USPL1: variants seen among roughly 807,000 people sequenced by gnomAD.
USPL1 encodes the protein ubiquitin specific peptidase like 1, also known as SUMO-specific isopeptidase USPL1.
A neutral mutation model predicts 51.5 loss-of-function variants in USPL1; 27 were observed. The observed-to-expected ratio is 0.52, with a 90% CI of 0.39 to 0.72. The LOEUF is 0.72. Ranked by LOEUF, USPL1 falls within the 30% of genes least tolerant of loss-of-function variation. USPL1 has a pLI of 0.00. For missense variants in USPL1, 1,226 were observed against 1,268.0 expected, an observed-to-expected ratio of 0.97 and a Z score of 0.50; for synonymous variants, 451 against 459.6, an observed-to-expected ratio of 0.98 and a Z score of 0.24.
chr13:30,631,283 G>A lies in USPL1; in HGVS notation c.677G>A (p.Cys226Tyr). Residue 226 changes from cysteine (C) to tyrosine (Y), a missense_variant, in exon 4 of 9, where the codon TGT becomes TAT. Coordinates refer to ENST00000255304, the MANE Select transcript of USPL1 (RefSeq NM_005800.5). ...SKCTSFPQAL[C>Y]VQWKNAYALC... ...TGTACATCATTTCCCCAGGCTTTAT[G>A]TGTCCAGTGGAAAAATGCTTATGCT... 6 of 1,614,166 alleles carry A rather than the reference G, an allele frequency of 3.7e-6. No homozygotes were observed. Among genetic ancestry groups the A allele is most frequent in the Non-Finnish European group, 5.1e-6 (6 of 1,180,028 alleles).
intron 8 of USPL1, among the ~76,000 whole-genome samples, chr13:30,654,406 C>CTT (rs374088829): frequency 1.3e-5 from 2 of 148,460 alleles, no homozygotes; most frequent in African/African-American, 2.5e-5. Flanking sequence ...CTCTCTCTCT[C>CTT]TTTTTTTTTT....
At position 30,653,251 on chromosome 13, in the gene USPL1, G is replaced by A. The variant is rs751066658; in HGVS notation, c.1342G>A (p.Val448Ile). 4 of 1,612,188 alleles carry A rather than the reference G, an allele frequency of 2.5e-6. No homozygotes were observed. The highest frequency in any genetic ancestry group is 1.3e-5 in the African/African-American group (1 of 74,990). Residue 448 changes from valine (V) to isoleucine (I), a missense_variant, in exon 8 of 9, where the codon GTA (valine) becomes ATA (isoleucine). Coordinates refer to ENST00000255304, the MANE Select transcript of USPL1 (RefSeq NM_005800.5). The stretch of plus-strand genomic sequence containing the variant: ...AGGCTGTCTTTATCAGATAACTTCT[G>A]TAATTCAGTATCGAGCAAATAATCA... ...FEGCLYQITS[V>I]IQYRANNHFI... is the part of the protein sequence containing the mutation.
intron 7 of USPL1, among the ~76,000 whole-genome samples, chr13:30,648,403 C>T (rs953921926): frequency 1.7e-4 from 26 of 152,030 alleles, no homozygotes; most frequent in Non-Finnish European, 2.6e-4. Context: ...GCGCTGGTTC[C>T]TCTCTGGGCC....
Position 30,658,072 on chromosome 13 carries a change from A to T in USPL1, c.1995A>T (p.Ser665=). 1 of 1,613,320 alleles carries T rather than the reference A, an allele frequency of 6.2e-7. No individual in the cohort carries two copies. The highest frequency in any genetic ancestry group is 8.5e-7 in the Non-Finnish European group (1 of 1,179,954). Reference sequence around the variant, plus strand: ...AAGTTGTAAATACAAACATGCAGTCAGTACAGCTGAATACAGAAGATACTG... The same window carrying T: ...AAGTTGTAAATACAAACATGCAGTCTGTACAGCTGAATACAGAAGATACTG... ...PSQVVNTNMQ[S]VQLNTEDTVN... The change falls in exon 9 of 9, where the codon TCA becomes TCT. Residue 665 remains serine (S), a synonymous_variant. Coordinates refer to ENST00000255304, the MANE Select transcript of USPL1 (RefSeq NM_005800.5).
At chr13:30,632,186 A>T (rs566057057) in intron 4 of USPL1, among the ~76,000 whole-genome samples, 7 of 151,732 alleles carry the variant, frequency 4.6e-5, no homozygotes, top group Admixed American at 4.6e-4. Context: ...TCATTGTTCA[A>T]CTGTCACTTA....
chr13:30,658,754 C>T lies in USPL1; in HGVS notation c.2677C>T (p.Arg893Cys), dbSNP rs780558341. 6.8e-6 allele frequency: 11 copies of T among 1,613,996 alleles called. No homozygotes were observed. Among genetic ancestry groups the T allele is most frequent in the Admixed American group, 1.7e-5 (1 of 59,982 alleles). ...GATTCATAAACTTCGTCTAAAACTT[C>T]GTAAAAAGCTAAAGGCAGAAAAGAA... Reference protein sequence around the residue: ...GQIHKLRLKLRKKLKAEKKKL... With the variant: ...GQIHKLRLKLCKKLKAEKKKL... The change falls in exon 9 of 9, where the codon CGT becomes TGT. Residue 893 changes from arginine (R) to cysteine (C), a missense_variant. Physicochemically the swap from Arg to Cys is radical, Grantham distance 180 (BLOSUM62 -3). Transcript: ENST00000255304.
intron 4 of USPL1, among the ~76,000 whole-genome samples, chr13:30,634,225 C>A (rs1950844823): frequency 6.6e-6 from 1 of 152,118 alleles, no homozygotes; most frequent in African/African-American, 2.4e-5. Flanking sequence ...AAGATGGCTG[C>A]TAAGTGAACC....
chr13:30,624,529 G>A (rs973863077), intron 3 of USPL1, among the ~76,000 whole-genome samples: 6 of 152,170 alleles, frequency 3.9e-5, no homozygotes, highest in African/African-American at 1.4e-4. Context: ...GACTACGGGT[G>A]CACGGCACCA....
At position 30,631,455 on chromosome 13, in the gene USPL1, T is replaced by C. The variant is rs1291662367; in HGVS notation, c.849T>C (p.Ser283=). ...AAGCAAATACACTTCTATATACCAG[T>C]CAATTGAGTGGTGTTAAAGGTTGGT... is the stretch of plus-strand genomic sequence containing the variant. ...YNQANTLLYT[S]QLSGVKDGDC... Residue 283 remains serine (S), a synonymous_variant, in exon 4 of 9, where the codon AGT becomes AGC. Transcript: ENST00000255304. 6.2e-7 allele frequency: 1 copy of C among 1,613,772 alleles called. No individual in the cohort carries two copies. Among genetic ancestry groups the C allele is most frequent in the Non-Finnish European group, 8.5e-7 (1 of 1,179,856 alleles).
chr13:30,646,806 T>G, intron 6 of USPL1, 126 bp from the exon 7 acceptor site: 1 of 1,044,030 alleles, frequency 9.6e-7, no homozygotes, highest in Non-Finnish European at 1.3e-6. Context: ...CATTGCCATA[T>G]TAACATGATT....
intron 3 of USPL1, among the ~76,000 whole-genome samples, chr13:30,623,741 G>T (rs186456515): frequency 2.0e-5 from 3 of 152,122 alleles, no homozygotes; most frequent in African/African-American, 7.2e-5. Flanking sequence ...TTAGCCCCAC[G>T]TACAGGCCTC....
At chr13:30,619,568 C>G (rs140827322) in intron 1 of USPL1, among the ~76,000 whole-genome samples, 3 of 152,148 alleles carry the variant, frequency 2.0e-5, no homozygotes, top group Admixed American at 6.5e-5. Flanking sequence ...CAGAATGATA[C>G]GACGTGTACT....
At chr13:30,627,990 C>T (rs1461548089) in intron 3 of USPL1, among the ~76,000 whole-genome samples, 1 of 151,788 alleles carries the variant, frequency 6.6e-6, no homozygotes, top group Non-Finnish European at 1.5e-5. Flanking sequence ...AGTTCTCCTC[C>T]CTCAGCCTCC....
At chr13:30,648,801 A>G (rs979220295) in intron 7 of USPL1, among the ~76,000 whole-genome samples, 9 of 152,206 alleles carry the variant, frequency 5.9e-5, no homozygotes, top group Non-Finnish European at 1.0e-4. Flanking sequence ...TGAAGATTAC[A>G]GAAGTCTGTA....
chr13:30,643,596 T>TCCC (rs1950976615), intron 6 of USPL1, among the ~76,000 whole-genome samples: 3 of 96,278 alleles, frequency 3.1e-5, no homozygotes, highest in African/African-American at 2.2e-4. Context: ...AAATAACTCT[T>TCCC]TCCACCCCCC....
chr13:30,635,077 T>C (rs1430849778), intron 4 of USPL1, among the ~76,000 whole-genome samples: 6 of 152,224 alleles, frequency 3.9e-5, no homozygotes, highest in South Asian at 4.1e-4. Context: ...CTTGTATCAT[T>C]GTTGCTAGAG....
Position 30,659,565 on chromosome 13 carries a change from C to A in USPL1, c.*209C>A. 1 of 470,760 alleles carries A rather than the reference C, an allele frequency of 2.1e-6. No individual in the cohort carries two copies. The highest frequency in any genetic ancestry group is 3.6e-6 in the Non-Finnish European group (1 of 275,902). 29.2% of individuals were successfully genotyped at this position (470,760 alleles called of 1,614,324 possible). On this transcript the variant is annotated 3_prime_UTR_variant, in exon 9 of 9. Coordinates refer to ENST00000255304, the MANE Select transcript of USPL1 (RefSeq NM_005800.5). ...CTGAATGTGTTCTCCTTTTTGGTTTCATTTTGTTCTTGTGAGAGTATGAGG... is the reference window on the plus strand; with the variant it reads ...CTGAATGTGTTCTCCTTTTTGGTTTAATTTTGTTCTTGTGAGAGTATGAGG...
intron 6 of USPL1, among the ~76,000 whole-genome samples, chr13:30,646,046 T>C (rs1251105407): frequency 2.0e-5 from 3 of 152,242 alleles, no homozygotes; most frequent in East Asian, 1.9e-4. Context: ...TTTGTTGATA[T>C]CTTTATGTTG....
chr13:30,655,720 A>C (rs1276003770), intron 8 of USPL1, among the ~76,000 whole-genome samples: 1 of 152,244 alleles, frequency 6.6e-6, no homozygotes, highest in African/African-American at 2.4e-5. Context: ...GTTGGTCATT[A>C]CTTCTCTACT....
Sources: gnomAD v4.1 joint callset for allele counts (sites outside exome capture counted in the v4.1 genomes callset) on GRCh38, gnomAD v4.1.1 for gene constraint, MANE v1.5 for transcripts, NCBI Gene and HGNC (gene_info 2026-07-23, HGNC 2026-07-21) for gene names.